ROBO1: variants seen among roughly 807,000 people sequenced by gnomAD.
ROBO1 encodes roundabout guidance receptor 1, also known as roundabout homolog 1.
ROBO1 carries 149 observed loss-of-function variants against 195.9 expected under a neutral mutation model. The ratio of observed to expected loss-of-function variants is 0.76; its 90% CI spans 0.67 to 0.87. The LOEUF is 0.87. Ranked by LOEUF, ROBO1 falls within the 40% of genes least tolerant of loss-of-function variation. ROBO1 has a pLI of 0.00. For synonymous variants in ROBO1, 816 were observed against 733.2 expected, an observed-to-expected ratio of 1.11 and a Z score of -1.82; for missense variants, 1,933 against 2,068.3, an observed-to-expected ratio of 0.93 and a Z score of 1.27.
chr3:79,175,109 T>C (rs2081242856), intron 2 of ROBO1, among the ~76,000 whole-genome samples: 1 of 152,156 alleles, frequency 6.6e-6, no homozygotes, highest in African/African-American at 2.4e-5. Flanking sequence ...TTTCAGGTAA[T>C]AGTAATTTAC....
Position 79,548,152 on chromosome 3 carries a change from T to C in ROBO1, c.88+41672A>G, listed in dbSNP as rs1346049994. Among the ~76,000 whole-genome samples, 16 of 152,230 alleles carry C rather than the reference T, an allele frequency of 1.1e-4. No individual in the cohort carries two copies. The East Asian group carries it at 1.4e-3, about 13-fold the overall frequency. On this transcript the variant is annotated intron_variant, in intron 2 of 30. Transcript: ENST00000464233. ...TGAGAGAAAAATGCTTGTTAGGAGATAGTAGCAGGTAACTTCCTCACCCAA... is the reference window on the plus strand; with the variant it reads ...TGAGAGAAAAATGCTTGTTAGGAGACAGTAGCAGGTAACTTCCTCACCCAA...
chr3:78,684,461 G>A (rs566538407), intron 10 of ROBO1, among the ~76,000 whole-genome samples: 3 of 152,168 alleles, frequency 2.0e-5, no homozygotes, highest in Admixed American at 6.5e-5. Flanking sequence ...GAGTGGTCAC[G>A]ACATGAATAA....
intron 2 of ROBO1, among the ~76,000 whole-genome samples, chr3:79,437,156 G>T (rs13063721): frequency 0.33 from 50,386 of 151,806 alleles, 9,846 homozygotes; most frequent in Admixed American, 0.48. Context: ...AAGAAAGGCT[G>T]ATCTACCTTA....
In ROBO1 at chr3:79,562,057, T is replaced by TA. The variant is rs762476462; in HGVS notation, c.88+27766_88+27767insT. 1.8e-4 allele frequency among the ~76,000 whole-genome samples: 27 copies of TA among 152,192 alleles called. 1 individual carries two copies. The highest frequency in any genetic ancestry group is 4.4e-5 in the Non-Finnish European group (3 of 68,038). ...AATTGTCACTCTAAAGTTTTATACATGTGGCCTTTGTGGACTAATTCAGCA... is the reference window on the plus strand; with the variant it reads ...AATTGTCACTCTAAAGTTTTATACATAGTGGCCTTTGTGGACTAATTCAGCA... On this transcript the variant is annotated intron_variant, in intron 2 of 30. Coordinates refer to ENST00000464233, the MANE Select transcript of ROBO1 (RefSeq NM_002941.4).
At chr3:79,244,220 A>G (rs1009681062) in intron 2 of ROBO1, among the ~76,000 whole-genome samples, 3 of 152,142 alleles carry the variant, frequency 2.0e-5, no homozygotes, top group African/African-American at 7.2e-5. Flanking sequence ...ATTGCATAAC[A>G]AGAACTCATT....
intron 4 of ROBO1, among the ~76,000 whole-genome samples, chr3:78,753,186 T>C (rs1439688294): frequency 6.6e-6 from 1 of 152,160 alleles, no homozygotes; most frequent in Non-Finnish European, 1.5e-5. Context: ...GCAAATTGTT[T>C]ATTTACATAC....
chr3:79,754,399 A>T (rs1449397129), intron 1 of ROBO1, among the ~76,000 whole-genome samples: 1 of 152,168 alleles, frequency 6.6e-6, no homozygotes, highest in Non-Finnish European at 1.5e-5. Context: ...CCTTATACAG[A>T]TTGGTATTTA....
At chr3:79,141,889 C>T (rs1047883314) in intron 2 of ROBO1, among the ~76,000 whole-genome samples, 2 of 152,114 alleles carry the variant, frequency 1.3e-5, no homozygotes, top group African/African-American at 4.8e-5. Context: ...TATAATTATA[C>T]ATACCACATA....
intron 2 of ROBO1, among the ~76,000 whole-genome samples, chr3:79,449,088 G>A (rs559978368): frequency 2.5e-4 from 38 of 152,130 alleles, no homozygotes; most frequent in African/African-American, 8.9e-4. Context: ...AACATTAGCC[G>A]AGTGTGGTGC....
chr3:78,697,573 T>C (rs2081328651), intron 8 of ROBO1, among the ~76,000 whole-genome samples: 1 of 152,076 alleles, frequency 6.6e-6, no homozygotes, highest in Non-Finnish European at 1.5e-5. Context: ...AAAGAAGCAG[T>C]TAACAGAAAA....
intron 2 of ROBO1, among the ~76,000 whole-genome samples, chr3:79,535,792 T>A (rs2107625283): frequency 6.6e-6 from 1 of 152,074 alleles, no homozygotes; most frequent in East Asian, 1.9e-4. Context: ...CAAAGAAAGT[T>A]ACGAGACCAG....
At chr3:79,578,626 T>C (rs774841761) in intron 2 of ROBO1, among the ~76,000 whole-genome samples, 1 of 152,194 alleles carries the variant, frequency 6.6e-6, no homozygotes, top group Non-Finnish European at 1.5e-5. Flanking sequence ...CAGTGTCTAC[T>C]GGAGCTATAT....
chr3:79,655,319 C>T (rs780190417), intron 1 of ROBO1, among the ~76,000 whole-genome samples: 12 of 151,910 alleles, frequency 7.9e-5, no homozygotes, highest in Non-Finnish European at 1.6e-4. Flanking sequence ...ACAGGGACTT[C>T]GCTGATACAA....
chr3:79,373,891 C>A (rs1577036551), intron 2 of ROBO1, among the ~76,000 whole-genome samples: 3 of 152,256 alleles, frequency 2.0e-5, no homozygotes, highest in African/African-American at 7.2e-5. Context: ...ATCTATAAAG[C>A]AATCAGCTGA....
chr3:79,090,229 C>T (rs1365269464), intron 3 of ROBO1, among the ~76,000 whole-genome samples: 2 of 152,102 alleles, frequency 1.3e-5, no homozygotes, highest in Non-Finnish European at 1.5e-5. Flanking sequence ...TGAGCCACCG[C>T]TCCTGGCCCA....
At chr3:78,925,827 A>G (rs1399384682) in intron 4 of ROBO1, among the ~76,000 whole-genome samples, 1 of 151,852 alleles carries the variant, frequency 6.6e-6, no homozygotes, top group Non-Finnish European at 1.5e-5. Context: ...ATAAAGAAAA[A>G]GAGCCCAGGT....
chr3:79,011,112 G>A (rs1017910495), intron 3 of ROBO1, among the ~76,000 whole-genome samples: 1 of 152,132 alleles, frequency 6.6e-6, no homozygotes, highest in Non-Finnish European at 1.5e-5. Flanking sequence ...AGCAACTAAA[G>A]AAGTTGAAAG....
chr3:79,079,839 C>G (rs1418843667), intron 3 of ROBO1, among the ~76,000 whole-genome samples: 1 of 151,628 alleles, frequency 6.6e-6, no homozygotes, highest in Non-Finnish European at 1.5e-5. Context: ...AAGCGATAGT[C>G]CATTTTTAAA....
intron 2 of ROBO1, among the ~76,000 whole-genome samples, chr3:79,186,220 C>A (rs1025142089): frequency 1.3e-5 from 2 of 152,030 alleles, no homozygotes; most frequent in Admixed American, 6.6e-5. Context: ...TGAGCATATG[C>A]GATTTTCATT....
Sources: gnomAD v4.1 joint callset for allele counts (sites outside exome capture counted in the v4.1 genomes callset) on GRCh38, gnomAD v4.1.1 for gene constraint, MANE v1.5 for transcripts, NCBI Gene and HGNC (gene_info 2026-07-23, HGNC 2026-07-21) for gene names.